The following KIF13B variants were observed in gnomAD, a reference collection of about 807,000 sequenced individuals.
KIF13B encodes kinesin-like protein KIF13B.
KIF13B carries 127 observed loss-of-function variants against 222.0 expected under a neutral mutation model. The observed-to-expected ratio is 0.57, with a 90% CI of 0.50 to 0.66. KIF13B has a LOEUF of 0.66. KIF13B is among the 30% of genes least tolerant of loss of function. The pLI, the probability that KIF13B is intolerant of heterozygous loss-of-function variation, is 0.00. For synonymous variants in KIF13B, 976 were observed against 919.0 expected, an observed-to-expected ratio of 1.06 and a Z score of -1.12; for missense variants, 2,173 against 2,379.0, an observed-to-expected ratio of 0.91 and a Z score of 1.80.
chr8:29,245,125 G>A (rs1262659533), intron 2 of KIF13B, among the ~76,000 whole-genome samples: 1 of 152,180 alleles, frequency 6.6e-6, no homozygotes, highest in Non-Finnish European at 1.5e-5. Context: ...TCTCTTCTGT[G>A]TGCTTCTAAT....
At chr8:29,250,358 C>T (rs1480258450) in intron 1 of KIF13B, among the ~76,000 whole-genome samples, 1 of 152,184 alleles carries the variant, frequency 6.6e-6, no homozygotes, top group African/African-American at 2.4e-5. Context: ...ACGTTTCTCT[C>T]ATATGCTCTT....
chr8:29,099,448 G>T (rs1263336434), intron 35 of KIF13B, among the ~76,000 whole-genome samples: 1 of 151,970 alleles, frequency 6.6e-6, no homozygotes, highest in Non-Finnish European at 1.5e-5. Context: ...CCATCATAGC[G>T]CATGTAACCT....
At chr8:29,258,276 T>C (rs1280761863) in intron 1 of KIF13B, among the ~76,000 whole-genome samples, 1 of 152,216 alleles carries the variant, frequency 6.6e-6, no homozygotes, top group Non-Finnish European at 1.5e-5. Context: ...AGCTGCTTAA[T>C]TTTGACCGAC....
In KIF13B at chr8:29,072,239, G is replaced by A. The variant is rs1807330284; in HGVS notation, c.4599C>T (p.Ala1533=). 1.4e-6 allele frequency: 2 copies of A among 1,471,672 alleles called. No individual in the cohort carries two copies. The allele number at this position is 1,471,672 out of a possible 1,614,324, so 91.2% of individuals were successfully genotyped here. The change falls in exon 39 of 40, where the codon GCC becomes GCT. Residue 1533 remains alanine, a synonymous_variant. Coordinates refer to ENST00000524189, the MANE Select transcript of KIF13B (RefSeq NM_015254.4). The part of the protein sequence containing the change: ...APALKICDKP[A]KVPSPPPVIA... ...TGACAGGCGGTGGGGAAGGCACTTT[G>A]GCAGGTTTGTCGCAGATCTTCAAGG...
At chr8:29,092,010 C>T (rs1808321829) in intron 37 of KIF13B, among the ~76,000 whole-genome samples, 1 of 152,238 alleles carries the variant, frequency 6.6e-6, no homozygotes. Flanking sequence ...TGGATTACTG[C>T]AACTTGAATG....
chr8:29,191,852 A>G (rs1474727357), intron 3 of KIF13B, among the ~76,000 whole-genome samples: 1 of 152,184 alleles, frequency 6.6e-6, no homozygotes, highest in Non-Finnish European at 1.5e-5. Context: ...TTTGAAATCT[A>G]CTTACTTGTG....
At chr8:29,186,600 T>A (rs1168448496) in intron 5 of KIF13B, 128 bp from the exon 6 acceptor site, 1 of 662,548 alleles carries the variant, frequency 1.5e-6, no homozygotes, top group Non-Finnish European at 2.5e-6. Flanking sequence ...CCAAATATAA[T>A]GAGAATAATA....
intron 31 of KIF13B, among the ~76,000 whole-genome samples, chr8:29,114,862 G>A (rs1363207235): frequency 6.6e-6 from 1 of 152,174 alleles, no homozygotes; most frequent in East Asian, 1.9e-4. Flanking sequence ...CCCAGGGCCT[G>A]GCAACCAGGA....
chr8:29,148,231 G>C (rs901857910), intron 16 of KIF13B, among the ~76,000 whole-genome samples: 27 of 152,158 alleles, frequency 1.8e-4, no homozygotes, highest in African/African-American at 6.3e-4. Flanking sequence ...ATAAACAAGA[G>C]AGATTCTATC....
At chr8:29,137,057 C>G (rs1274798957) in intron 21 of KIF13B, among the ~76,000 whole-genome samples, 1 of 152,118 alleles carries the variant, frequency 6.6e-6, no homozygotes, top group Non-Finnish European at 1.5e-5. Context: ...GCCTCAGCCT[C>G]CCAAAGTGCT....
chr8:29,228,527 A>G (rs1468697221), intron 2 of KIF13B, among the ~76,000 whole-genome samples: 2 of 149,338 alleles, frequency 1.3e-5, no homozygotes, highest in Admixed American at 6.7e-5. Context: ...ACAGCAAAGT[A>G]TAAGACTAAC....
chr8:29,204,523 C>T (rs927734803), intron 2 of KIF13B, among the ~76,000 whole-genome samples: 1 of 152,180 alleles, frequency 6.6e-6, no homozygotes, highest in East Asian at 1.9e-4. Context: ...ACCAACACTG[C>T]AAGACCCCCA....
intron 13 of KIF13B, among the ~76,000 whole-genome samples, chr8:29,160,028 T>C (rs1229273843): frequency 6.6e-6 from 1 of 151,930 alleles, no homozygotes; most frequent in African/African-American, 2.4e-5. Context: ...GTGTAGTCCA[T>C]CATATATGAT....
At chr8:29,212,057 A>G (rs536460917) in intron 2 of KIF13B, among the ~76,000 whole-genome samples, 51 of 152,268 alleles carry the variant, frequency 3.3e-4, no homozygotes, top group African/African-American at 1.1e-3. Context: ...TATTGTGCAT[A>G]GTATTTTGTT....
chr8:29,163,693 G>A (rs1707183836), intron 12 of KIF13B, among the ~76,000 whole-genome samples: 1 of 152,196 alleles, frequency 6.6e-6, no homozygotes, highest in Non-Finnish European at 1.5e-5. Context: ...AAGCCTGGGA[G>A]CTCTGGAAGG....
chr8:29,251,766 T>C (rs1452864222), intron 1 of KIF13B, among the ~76,000 whole-genome samples: 2 of 152,220 alleles, frequency 1.3e-5, no homozygotes, highest in African/African-American at 4.8e-5. Context: ...AAATGGTAAA[T>C]ATATTGTATT....
At chr8:29,223,378 AG>A (rs1416386971) in intron 2 of KIF13B, among the ~76,000 whole-genome samples, 9 of 151,816 alleles carry the variant, frequency 5.9e-5, no homozygotes, top group African/African-American at 2.2e-4. Flanking sequence ...TTTCTGTACA[AG>A]ACAACTTGGC....
At position 29,165,857 on chromosome 8, in the gene KIF13B, A is replaced by C. The variant is rs1042814366; in HGVS notation, c.1159-85T>G. 3 of 888,176 alleles carry C rather than the reference A, an allele frequency of 3.4e-6. No homozygotes were observed. The African/African-American group carries it at 5.1e-5, about 15-fold the overall frequency. 55.0% of individuals were successfully genotyped at this position (888,176 alleles called of 1,614,324 possible). A position where few individuals can be genotyped will look rare whatever the true frequency, so the allele number is the denominator to read the frequency against. On this transcript the variant is annotated intron_variant, in intron 11 of 39. Coordinates refer to ENST00000524189, the MANE Select transcript of KIF13B (RefSeq NM_015254.4). ...CCAACTCTAAAAGGACAAAAGTAAC[A>C]ATCTGCCTCCTCATGGCTGAATGTC...
intron 2 of KIF13B, among the ~76,000 whole-genome samples, chr8:29,240,091 T>C (rs1317652615): frequency 1.3e-5 from 2 of 150,622 alleles, no homozygotes; most frequent in African/African-American, 4.9e-5. Context: ...GTTTGAGCTT[T>C]CTCCCCCAAG....
Sources: gnomAD v4.1 joint callset for allele counts (sites outside exome capture counted in the v4.1 genomes callset) on GRCh38, gnomAD v4.1.1 for gene constraint, MANE v1.5 for transcripts, NCBI Gene and HGNC (gene_info 2026-07-23, HGNC 2026-07-21) for gene names.